The following FAN1 variants were observed in gnomAD, a reference collection of about 807,000 sequenced individuals.
FAN1 encodes the protein FANCD2 and FANCI associated nuclease 1, also known as fanconi-associated nuclease 1.
Under a neutral mutation model 104.9 loss-of-function variants are expected in FAN1, and 91 were observed. That is an observed-to-expected ratio of 0.87 (90% CI 0.73 to 1.03). FAN1 has a LOEUF of 1.03. Among genes scored for constraint, FAN1 ranks in the 50% least tolerant of loss-of-function variants. The probability of loss-of-function intolerance (pLI) is 0.00; values close to 1 mark genes in which losing one functional copy is unlikely to be tolerated. For synonymous variants in FAN1, 478 were observed against 457.6 expected, an observed-to-expected ratio of 1.04 and a Z score of -0.57; for missense variants, 1,263 against 1,239.9, an observed-to-expected ratio of 1.02 and a Z score of -0.28.
At position 30,905,881 on chromosome 15, in the gene FAN1, A is replaced by G; in HGVS notation, c.1218A>G (p.Lys406=). The part of the protein sequence containing the change: ...FDEQEKGIVT[K]FYQLSATGQK... The stretch of plus-strand genomic sequence containing the variant: ...AGCAGGAGAAGGGAATTGTAACTAA[A>G]TTTTATCAGTTATCAGGTATCTTAC... The change falls in exon 2 of 15, where the codon AAA becomes AAG. Residue 406 remains lysine, a synonymous_variant. Transcript: ENST00000362065. The G allele has an allele frequency of 6.2e-7, 1 of 1,612,652 alleles. No homozygotes were observed. Among genetic ancestry groups the G allele is most frequent in the East Asian group, 2.2e-5 (1 of 44,870 alleles).
chr15:30,918,433 G>A, intron 6 of FAN1, 138 bp downstream of exon 6: 1 of 830,746 alleles, frequency 1.2e-6, no homozygotes, highest in Non-Finnish European at 1.9e-6. Context: ...TTTTGTGCGT[G>A]CTTTGCCTAG....
At chr15:30,918,094 G>A (rs988257862) in intron 5 of FAN1, 70 bp from the exon 6 acceptor site, 2 of 1,494,548 alleles carry the variant, frequency 1.3e-6, no homozygotes, top group African/African-American at 1.4e-5. Context: ...GTGAGATCTA[G>A]TGGCTAGGAT....
intron 13 of FAN1, among the ~76,000 whole-genome samples, chr15:30,936,618 C>G (rs1189478462): frequency 6.6e-6 from 1 of 151,864 alleles, no homozygotes; most frequent in Non-Finnish European, 1.5e-5. Flanking sequence ...TTATGATGGC[C>G]TTATGTCCTG....
chr15:30,909,807 C>T (rs1462008105), intron 3 of FAN1, among the ~76,000 whole-genome samples: 4 of 152,260 alleles, frequency 2.6e-5, no homozygotes, highest in Non-Finnish European at 5.9e-5. Flanking sequence ...GTTCTCCTTT[C>T]CTTCCCCGCT....
intron 14 of FAN1, chr15:30,941,077 A>AGAT: frequency 8.3e-7 from 1 of 1,208,838 alleles, no homozygotes; most frequent in East Asian, 5.9e-5. Context: ...AGGTTTTATC[A>AGAT]GATGCTCCTA....
At position 30,904,911 on chromosome 15, in the gene FAN1, A is replaced by G. The variant is rs916645657; in HGVS notation, c.248A>G (p.Asn83Ser). Reference protein sequence around the residue: ...DPGQVGLINSNVSMVDLTSVT... With the variant: ...DPGQVGLINSSVSMVDLTSVT... ...GGGCAGGTTGGCTTAATAAATTCAA[A>G]TGTGTCTATGGTAGATTTAACCAGT... Residue 83 changes from asparagine (N) to serine (S), a missense_variant, in exon 2 of 15, where the codon AAT becomes AGT. Coordinates refer to ENST00000362065, the MANE Select transcript of FAN1 (RefSeq NM_014967.5). 1 of 1,614,060 alleles carries G rather than the reference A, an allele frequency of 6.2e-7. No individual in the cohort carries two copies. The highest frequency in any genetic ancestry group is 1.3e-5 in the African/African-American group (1 of 75,050).
intron 5 of FAN1, among the ~76,000 whole-genome samples, chr15:30,915,865 A>G (rs73381351): frequency 0.024 from 3,605 of 152,296 alleles, 138 homozygotes; most frequent in African/African-American, 0.082. Flanking sequence ...AAGAAAAATT[A>G]ATTTGGATTT....
At chr15:30,908,324 A>T (rs2062027791) in intron 3 of FAN1, 66 bp downstream of exon 3, 4 of 1,403,832 alleles carry the variant, frequency 2.8e-6, no homozygotes, top group Non-Finnish European at 3.8e-6. Flanking sequence ...CTGCAGAATG[A>T]TGGCAGTATT....
Position 30,908,307 on chromosome 15 carries a change from T to G in FAN1, c.1375+49T>G, listed in dbSNP as rs11633433. The G allele has an allele frequency of 0.024, 35,040 of 1,480,078 alleles. 505 individuals are homozygous for G. The highest frequency in any genetic ancestry group is 0.039 in the Middle Eastern group (221 of 5,696). The allele number at this position is 1,480,078 out of a possible 1,614,324, so 91.7% of individuals were successfully genotyped here. On this transcript the variant is annotated intron_variant, in intron 3 of 14. Coordinates refer to ENST00000362065, the MANE Select transcript of FAN1 (RefSeq NM_014967.5). ...GAAATGAAAATATGATCTGAAGAAC[T>G]GAGCTTCTGCAGAATGATGGCAGTA...
At chr15:30,906,077 G>A (rs1378421717) in intron 2 of FAN1, among the ~76,000 whole-genome samples, 180 bp downstream of exon 2, 1 of 152,096 alleles carries the variant, frequency 6.6e-6, no homozygotes, top group African/African-American at 2.4e-5. Context: ...AGGGATGCAT[G>A]GAAAAGAGAC....
In FAN1 at chr15:30,904,531, C is replaced by T. The variant is rs1293530725; in HGVS notation, c.-133C>T. On this transcript the variant is annotated 5_prime_UTR_variant, in exon 2 of 15. The change creates a new upstream start codon in the 5' untranslated region. Transcript: ENST00000362065. ...TTGTAGGAAGAAGAAATTGTCGAGACGAATAACATGAGGTCATATAGAATC... is the reference window on the plus strand; with the variant it reads ...TTGTAGGAAGAAGAAATTGTCGAGATGAATAACATGAGGTCATATAGAATC... 3 of 845,160 alleles carry T rather than the reference C, an allele frequency of 3.5e-6. No homozygotes were observed. The highest frequency in any genetic ancestry group is 2.4e-5 in the East Asian group (1 of 41,562). The allele number at this position is 845,160 out of a possible 1,614,324, so 52.4% of individuals were successfully genotyped here. A position where few individuals can be genotyped will look rare whatever the true frequency, so the allele number is the denominator to read the frequency against.
At chr15:30,917,873 G>C (rs1404132691) in intron 5 of FAN1, among the ~76,000 whole-genome samples, 1 of 152,232 alleles carries the variant, frequency 6.6e-6, no homozygotes, top group Non-Finnish European at 1.5e-5. Context: ...ATGAATGGAT[G>C]AGTGCCAAAA....
At chr15:30,927,527 C>T (rs571799249) in intron 10 of FAN1, 119 of 985,744 alleles carry the variant, frequency 1.2e-4, no homozygotes, top group South Asian at 4.7e-4. Context: ...GCAGGCATGA[C>T]GGGCTGTGGC....
intron 4 of FAN1, chr15:30,911,121 G>C (rs1449593663): frequency 8.9e-7 from 1 of 1,119,948 alleles, no homozygotes; most frequent in Non-Finnish European, 1.1e-6. Context: ...GGGATTTTAA[G>C]GTAAACTATT....
rs760166100 is a variant in FAN1, at chr15:30,941,679, C to T, written c.*117C>T. 4 of 1,613,518 alleles carry T rather than the reference C, an allele frequency of 2.5e-6. No homozygotes were observed. In the Admixed American group the frequency reaches 5.0e-5, roughly 20 times the overall value. On this transcript the variant is annotated 3_prime_UTR_variant, in exon 15 of 15. Transcript: ENST00000362065. The stretch of plus-strand genomic sequence containing the variant: ...TACATCCTGCTCTGGCCCAGCTCCC[C>T]ATAGCAGGCCTCCAGGGGGCCACTG...
At position 30,935,317 on chromosome 15, in the gene FAN1, GAAAA is replaced by G. The variant is rs1031375626; in HGVS notation, c.2917-1798_2917-1795del. On this transcript the variant is annotated intron_variant, in intron 13 of 14. Transcript: ENST00000362065. ...AGTGAGACCTTGTCTCAAAAAAAAAGAAAAAAAGAAAAAGAAAAAATTTCCATGT... is the reference window on the plus strand; with the variant it reads ...AGTGAGACCTTGTCTCAAAAAAAAAGAAAGAAAAAGAAAAAATTTCCATGT... 8.5e-4 allele frequency among the ~76,000 whole-genome samples: 128 copies of G among 151,086 alleles called. 1 individual carries two copies. Among genetic ancestry groups the G allele is most frequent in the African/African-American group, 2.9e-3 (121 of 41,088 alleles).
intron 4 of FAN1, among the ~76,000 whole-genome samples, chr15:30,912,079 TAGC>T (rs2062112508): frequency 7.1e-6 from 1 of 140,606 alleles, no homozygotes; most frequent in African/African-American, 2.6e-5. Context: ...AAAAAAAAAA[TAGC>T]AGCCCTTTCT....
At chr15:30,929,181 G>A in intron 11 of FAN1, 22 bp from the exon 12 acceptor site, 1 of 1,606,596 alleles carries the variant, frequency 6.2e-7, no homozygotes, top group East Asian at 2.3e-5. Flanking sequence ...CAGTATGACA[G>A]CTTGCTTTCC....
At chr15:30,927,687 C>T (rs2062499855) in intron 10 of FAN1, 10 of 985,454 alleles carry the variant, frequency 1.0e-5, no homozygotes, top group Non-Finnish European at 1.2e-5. Context: ...TGGTCAGCAC[C>T]TCCTCTGGCC....
Sources: gnomAD v4.1 joint callset for allele counts (sites outside exome capture counted in the v4.1 genomes callset) on GRCh38, gnomAD v4.1.1 for gene constraint, MANE v1.5 for transcripts, NCBI Gene and HGNC (gene_info 2026-07-23, HGNC 2026-07-21) for gene names.